AKT3: variants seen among roughly 807,000 people sequenced by gnomAD.
AKT3 encodes the protein AKT serine/threonine kinase 3.
In AKT3, 15 loss-of-function variants were observed where a neutral mutation model predicts 65.3. That is an observed-to-expected ratio of 0.23 (90% CI 0.15 to 0.35). The LOEUF is 0.35. Among genes scored for constraint, AKT3 ranks in the 10% least tolerant of loss-of-function variants. The pLI is 1.00. For synonymous variants in AKT3, 206 were observed against 183.8 expected (o/e 1.12, Z -0.98); for missense variants, 243 against 576.5 (o/e 0.42, Z 5.92).
intron 3 of AKT3, among the ~76,000 whole-genome samples, chr1:243,668,701 T>G (rs1004214243): frequency 1.3e-5 from 2 of 152,100 alleles, no homozygotes; most frequent in Non-Finnish European, 2.9e-5. Context: ...TGTGTACAGG[T>G]GAGGAACATA....
rs1689089196 is a variant in AKT3 at position 243,755,659 on chromosome 1, C to A, written c.47-59943G>T. Among the ~76,000 whole-genome samples the A allele has an allele frequency of 5.3e-5, 8 of 152,264 alleles. No individual in the cohort carries two copies. The South Asian group carries it at 1.7e-3, about 32-fold the overall frequency. On this transcript the variant is annotated intron_variant, in intron 2 of 13. Coordinates refer to ENST00000673466, the MANE Select transcript of AKT3 (RefSeq NM_005465.7). Reference sequence around the variant, plus strand: ...GTGTTTTCTTATAATCTTATCATAACAAGCCTTAAGTTAGTCATTAGATAA... The same window carrying A: ...GTGTTTTCTTATAATCTTATCATAAAAAGCCTTAAGTTAGTCATTAGATAA...
chr1:243,651,470 C>T (rs1681324000), intron 4 of AKT3, among the ~76,000 whole-genome samples: 1 of 152,102 alleles, frequency 6.6e-6, no homozygotes, highest in African/African-American at 2.4e-5. Context: ...TTGTATTGTG[C>T]CAGTTTTCAA....
chr1:243,638,779 C>T (rs1299348645), intron 5 of AKT3, among the ~76,000 whole-genome samples: 2 of 148,760 alleles, frequency 1.3e-5, no homozygotes, highest in South Asian at 2.1e-4. Flanking sequence ...CTAAAGTAAA[C>T]GTGAGAAATA....
chr1:243,839,269 T>A (rs1407778911), intron 2 of AKT3, among the ~76,000 whole-genome samples: 1 of 152,066 alleles, frequency 6.6e-6, no homozygotes, highest in Non-Finnish European at 1.5e-5. Context: ...AGGGAAAAAA[T>A]TAAGAGAAGT....
intron 5 of AKT3, among the ~76,000 whole-genome samples, chr1:243,645,025 T>C (rs140307313): frequency 1.3e-5 from 2 of 152,282 alleles, no homozygotes; most frequent in East Asian, 3.9e-4. Flanking sequence ...GAAAGGATAA[T>C]TAACTTTATG....
intron 4 of AKT3, among the ~76,000 whole-genome samples, chr1:243,651,861 T>C (rs556718823): frequency 6.6e-6 from 1 of 152,170 alleles, no homozygotes; most frequent in Admixed American, 6.5e-5. Context: ...TTTTCCTTTT[T>C]TGTTGCGTCT....
intron 13 of AKT3, among the ~76,000 whole-genome samples, chr1:243,509,589 A>G (rs1281268321): frequency 6.6e-6 from 1 of 152,062 alleles, no homozygotes; most frequent in Non-Finnish European, 1.5e-5. Flanking sequence ...CACATTTCTG[A>G]GCATCGCATT....
intron 13 of AKT3, among the ~76,000 whole-genome samples, chr1:243,492,390 C>G (rs368085550): frequency 6.6e-6 from 1 of 150,418 alleles, no homozygotes. Flanking sequence ...CAACCTCCGC[C>G]TCCCGGCTTC....
chr1:243,649,432 CTT>C (rs1056975543), intron 4 of AKT3, among the ~76,000 whole-genome samples: 1 of 151,360 alleles, frequency 6.6e-6, no homozygotes, highest in African/African-American at 2.4e-5. Flanking sequence ...TACATACACA[CTT>C]TAAGTTCTGG....
At chr1:243,510,954 G>C (rs1319368022) in intron 13 of AKT3, among the ~76,000 whole-genome samples, 4 of 152,264 alleles carry the variant, frequency 2.6e-5, no homozygotes, top group Non-Finnish European at 5.9e-5. Context: ...CACAGTCTAT[G>C]CTGGGGACAG....
chr1:243,628,944 G>A (rs1367823759), intron 6 of AKT3, among the ~76,000 whole-genome samples: 1 of 152,216 alleles, frequency 6.6e-6, no homozygotes, highest in Non-Finnish European at 1.5e-5. Flanking sequence ...CATTTGCCTG[G>A]CCATATGGTC....
chr1:243,795,449 G>GTTTTGTTTTTTTT (rs1691898953), intron 2 of AKT3, among the ~76,000 whole-genome samples: 1 of 93,506 alleles, frequency 1.1e-5, no homozygotes, highest in African/African-American at 4.9e-5. Flanking sequence ...TGATCTCCTT[G>GTTTTGTTTTTTTT]TTTTTTTTTT....
chr1:243,771,956 CA>C (rs1337574125), intron 2 of AKT3, among the ~76,000 whole-genome samples: 6 of 152,142 alleles, frequency 3.9e-5, no homozygotes, highest in African/African-American at 1.4e-4. Context: ...CCCTATTTAA[CA>C]AATGGTGCTG....
chr1:243,497,321 C>T (rs1232434709), downstream of AKT3, among the ~76,000 whole-genome samples: 11 of 35,408 alleles, frequency 3.1e-4, no homozygotes, highest in Admixed American at 1.9e-3. Flanking sequence ...GGGTCAGGCA[C>T]GGCTGTAGGC....
At chr1:243,515,895 T>C (rs1053817370) in intron 12 of AKT3, among the ~76,000 whole-genome samples, 4 of 151,432 alleles carry the variant, frequency 2.6e-5, no homozygotes, top group African/African-American at 9.7e-5. Flanking sequence ...GAGAATGGCA[T>C]GAACCCGGGA....
chr1:243,768,957 T>C (rs1482492286), intron 2 of AKT3, among the ~76,000 whole-genome samples: 1 of 152,178 alleles, frequency 6.6e-6, no homozygotes, highest in Admixed American at 6.5e-5. Flanking sequence ...TCCAGAACTT[T>C]TCATCGCCCC....
At chr1:243,646,561 G>C (rs999307826) in intron 4 of AKT3, among the ~76,000 whole-genome samples, 2 of 151,984 alleles carry the variant, frequency 1.3e-5, no homozygotes, top group African/African-American at 4.8e-5. Context: ...CACCATGTTG[G>C]CCAGGCTGGT....
intron 4 of AKT3, among the ~76,000 whole-genome samples, chr1:243,656,321 C>T (rs939037774): frequency 3.3e-5 from 5 of 152,058 alleles, no homozygotes; most frequent in Admixed American, 6.6e-5. Context: ...TGATTAGTTA[C>T]TTACTAATAA....
intron 2 of AKT3, among the ~76,000 whole-genome samples, chr1:243,812,017 T>C (rs375236335): frequency 6.6e-6 from 1 of 152,118 alleles, no homozygotes; most frequent in Non-Finnish European, 1.5e-5. Flanking sequence ...ATACAAAAAT[T>C]AATTCAAGAT....
Sources: gnomAD v4.1 joint callset for allele counts (sites outside exome capture counted in the v4.1 genomes callset) on GRCh38, gnomAD v4.1.1 for gene constraint, MANE v1.5 for transcripts, NCBI Gene and HGNC (gene_info 2026-07-23, HGNC 2026-07-21) for gene names.